The following RDX variants were observed in gnomAD, a reference collection of about 807,000 sequenced individuals.
The protein encoded by RDX is deafness, autosomal recessive 24.
A neutral mutation model predicts 83.7 loss-of-function variants in RDX; 32 were observed. The ratio of observed to expected loss-of-function variants is 0.38; its 90% CI spans 0.29 to 0.51. The LOEUF (loss-of-function observed/expected upper bound fraction) is 0.51. Among genes scored for constraint, RDX ranks in the 20% least tolerant of loss-of-function variants. The probability of loss-of-function intolerance (pLI) is 0.87; values close to 1 mark genes in which losing one functional copy is unlikely to be tolerated. For missense variants in RDX, 600 were observed against 689.9 expected (o/e 0.87, Z 1.46); for synonymous variants, 229 against 222.7 (o/e 1.03, Z -0.25).
intron 5 of RDX, among the ~76,000 whole-genome samples, chr11:110,262,402 C>T (rs139523925): frequency 1.3e-5 from 2 of 151,926 alleles, no homozygotes; most frequent in South Asian, 2.1e-4. Context: ...CTGACCAACA[C>T]GGTGAAACTC....
At position 110,214,819 on chromosome 11, in the gene RDX, T is replaced by C. The variant is rs1442467185; in HGVS notation, c.1749-15141A>G. Among the ~76,000 whole-genome samples, 5 of 97,218 alleles carry C rather than the reference T, an allele frequency of 5.1e-5. No homozygotes were observed. The East Asian group carries it at 1.7e-3, about 33-fold the overall frequency. The allele number at this position is 97,218 out of a possible 152,430, so 63.8% of individuals were successfully genotyped here. On this transcript the variant is annotated intron_variant, in intron 14 of 15. Coordinates refer to the RDX transcript ENST00000528498. Reference sequence around the variant, plus strand: ...GATCACATGGACACAGGAAGGGGAATATCACACTCTGGGGACTGTTGTGGG... The same window carrying C: ...GATCACATGGACACAGGAAGGGGAACATCACACTCTGGGGACTGTTGTGGG...
chr11:110,187,391 T>C (rs1406583127), intron 15 of RDX, among the ~76,000 whole-genome samples: 1 of 152,164 alleles, frequency 6.6e-6, no homozygotes, highest in Non-Finnish European at 1.5e-5. Flanking sequence ...CTCTCTTTGC[T>C]TCATGCCCAG....
chr11:110,263,868 C>CAAAAAA, intron 5 of RDX, 92 bp downstream of exon 5: 3 of 993,584 alleles, frequency 3.0e-6, no homozygotes, highest in Non-Finnish European at 4.3e-6. Flanking sequence ...ACCCTGTCTC[C>CAAAAAA]AAAAAAAAAA....
chr11:110,249,683 A>G (rs755205999), intron 9 of RDX, among the ~76,000 whole-genome samples: 1 of 152,174 alleles, frequency 6.6e-6, no homozygotes, highest in African/African-American at 2.4e-5. Flanking sequence ...AGACCAGGGC[A>G]ACATAGCGAG....
downstream of RDX, among the ~76,000 whole-genome samples, chr11:110,228,029 G>A (rs952230630): frequency 2.6e-5 from 4 of 152,038 alleles, no homozygotes; most frequent in African/African-American, 9.7e-5. Context: ...TACCCAAATG[G>A]AAAGTAGCTG....
intron 5 of RDX, among the ~76,000 whole-genome samples, chr11:110,261,803 ACCTT>A (rs1859816645): frequency 6.6e-6 from 1 of 152,216 alleles, no homozygotes; most frequent in South Asian, 2.1e-4. Context: ...GCATTTAGCC[ACCTT>A]CCTTCTTTTT....
Position 110,230,516 on chromosome 11 carries a change from A to G in RDX, c.*1353T>C, listed in dbSNP as rs1864582511. 1 of 152,144 alleles carries G rather than the reference A, an allele frequency of 6.6e-6. No individual in the cohort carries two copies. The highest frequency in any genetic ancestry group is 2.1e-4 in the South Asian group (1 of 4,828). The allele number at this position is 152,144 out of a possible 1,614,324, so 9.4% of individuals were successfully genotyped here. On this transcript the variant is annotated 3_prime_UTR_variant, in exon 14 of 14. Transcript: ENST00000645495. ...ATACTGATTATGTAACTATCGTATCAAGGTACAGACATTCTTCACATGCTA... is the reference window on the plus strand; with the variant it reads ...ATACTGATTATGTAACTATCGTATCGAGGTACAGACATTCTTCACATGCTA...
intron 14 of RDX, among the ~76,000 whole-genome samples, chr11:110,211,246 C>T (rs1187403191): frequency 1.3e-5 from 2 of 152,200 alleles, no homozygotes; most frequent in African/African-American, 2.4e-5. Context: ...AAGGCCATTA[C>T]ATAATAGTAA....
At chr11:110,281,379 G>A (rs1240831700) in intron 1 of RDX, among the ~76,000 whole-genome samples, 1 of 148,876 alleles carries the variant, frequency 6.7e-6, no homozygotes, top group African/African-American at 2.5e-5. Flanking sequence ...GGAGTGCAGT[G>A]CTCGCAGTGG....
intron 3 of RDX, among the ~76,000 whole-genome samples, chr11:110,271,390 AC>A (rs1410411925): frequency 8.5e-5 from 13 of 152,282 alleles, no homozygotes; most frequent in Non-Finnish European, 8.8e-5. Flanking sequence ...GAAAAAGTGT[AC>A]GTGAAGTTTA....
chr11:110,276,522 C>T (rs571173861), intron 2 of RDX, among the ~76,000 whole-genome samples: 4 of 152,022 alleles, frequency 2.6e-5, no homozygotes, highest in Admixed American at 6.6e-5. Flanking sequence ...ACAAAATACA[C>T]CATTTATGAT....
intron 1 of RDX, among the ~76,000 whole-genome samples, chr11:110,294,859 T>C: frequency 6.6e-6 from 1 of 152,220 alleles, no homozygotes; most frequent in East Asian, 1.9e-4. Context: ...ACATTGTATG[T>C]GATTCCTAAG....
chr11:110,261,458 G>A (rs1028338330), intron 5 of RDX, among the ~76,000 whole-genome samples: 15 of 152,146 alleles, frequency 9.9e-5, no homozygotes, highest in African/African-American at 3.6e-4. Context: ...AAATCAGAAT[G>A]TATCAGAATC....
At chr11:110,254,161 C>G in intron 8 of RDX, 52 bp from the exon 9 acceptor site, 1 of 1,465,628 alleles carries the variant, frequency 6.8e-7, no homozygotes, top group East Asian at 2.3e-5. Flanking sequence ...TACTGTCTCT[C>G]ATAACAATCT....
At chr11:110,290,550 T>C (rs984521911) in intron 1 of RDX, among the ~76,000 whole-genome samples, 1 of 151,336 alleles carries the variant, frequency 6.6e-6, no homozygotes, top group African/African-American at 2.4e-5. Context: ...ATGAATACAA[T>C]ATGGCACATC....
At chr11:110,281,951 A>T (rs1459297938) in intron 1 of RDX, among the ~76,000 whole-genome samples, 3 of 151,222 alleles carry the variant, frequency 2.0e-5, no homozygotes, top group African/African-American at 7.3e-5. Flanking sequence ...AAAAAAAAAA[A>T]AAAAAAACCA....
chr11:110,295,530 CA>C (rs1439474217), intron 1 of RDX, among the ~76,000 whole-genome samples: 1 of 148,928 alleles, frequency 6.7e-6, no homozygotes, highest in African/African-American at 2.5e-5. Context: ...TGACTTTTAA[CA>C]CATTTCCAAC....
At chr11:110,243,786 G>GT (rs1865194876) in intron 10 of RDX, among the ~76,000 whole-genome samples, 1 of 151,880 alleles carries the variant, frequency 6.6e-6, no homozygotes, top group East Asian at 1.9e-4. Flanking sequence ...ACGTCACCAG[G>GT]TATTAGAGAT....
chr11:110,245,885 T>C (rs1013539713), intron 10 of RDX, among the ~76,000 whole-genome samples: 2 of 152,212 alleles, frequency 1.3e-5, no homozygotes, highest in African/African-American at 4.8e-5. Context: ...TTCTTGAAGA[T>C]GGAATTCACT....
Sources: allele counts gnomAD v4.1 joint callset (sites outside exome capture counted in the v4.1 genomes callset), GRCh38; gene constraint gnomAD v4.1.1; transcripts MANE v1.5; gene names NCBI Gene and HGNC (gene_info 2026-07-23, HGNC 2026-07-21).